RAB27A: variants seen among roughly 807,000 people sequenced by gnomAD.
RAB27A encodes the protein ras-related protein Rab-27A.
RAB27A carries 17 observed loss-of-function variants against 20.8 expected under a neutral mutation model. That is an observed-to-expected ratio of 0.82 (90% CI 0.56 to 1.23). The LOEUF (loss-of-function observed/expected upper bound fraction) is 1.23. Among genes scored for constraint, RAB27A ranks in the 50% most tolerant of loss-of-function variants. The pLI is 0.00. For synonymous variants in RAB27A, 85 were observed against 92.8 expected (o/e 0.92, Z 0.48); for missense variants, 277 against 266.7 (o/e 1.04, Z -0.27).
intron 2 of RAB27A, among the ~76,000 whole-genome samples, chr15:55,265,939 C>T (rs182001855): frequency 2.8e-4 from 43 of 152,274 alleles, no homozygotes; most frequent in Admixed American, 2.0e-3. Context: ...AAGGCCACCA[C>T]GGGCTCTTTA....
At chr15:55,266,721 A>G (rs1324749511) in intron 2 of RAB27A, among the ~76,000 whole-genome samples, 1 of 152,238 alleles carries the variant, frequency 6.6e-6, no homozygotes, top group Non-Finnish European at 1.5e-5. Flanking sequence ...ACCAATGCAC[A>G]GAAAGGTTAA....
chr15:55,214,411 G>C (rs1895183129), intron 6 of RAB27A, among the ~76,000 whole-genome samples: 1 of 152,164 alleles, frequency 6.6e-6, no homozygotes, highest in Non-Finnish European at 1.5e-5. Context: ...ACTCCAGCCT[G>C]GGCGACAGAG....
chr15:55,251,235 C>T (rs966233342), intron 2 of RAB27A, among the ~76,000 whole-genome samples: 4 of 152,158 alleles, frequency 2.6e-5, no homozygotes, highest in Non-Finnish European at 5.9e-5. Context: ...ATTTGAAATG[C>T]TTTGGGTGTC....
At chr15:55,274,369 T>C (rs1897789767) in intron 1 of RAB27A, among the ~76,000 whole-genome samples, 1 of 150,468 alleles carries the variant, frequency 6.6e-6, no homozygotes. Context: ...AGCCCAAAAT[T>C]AGAAGAAAGA....
upstream of RAB27A, among the ~76,000 whole-genome samples, chr15:55,292,123 G>A (rs2054924805): frequency 6.6e-6 from 1 of 152,152 alleles, no homozygotes; most frequent in African/African-American, 2.4e-5. Context: ...AAAGAAAATG[G>A]AGAAATAACA....
chr15:55,228,116 T>C (rs572856784), intron 5 of RAB27A, among the ~76,000 whole-genome samples: 118 of 152,250 alleles, frequency 7.8e-4, no homozygotes, highest in African/African-American at 2.7e-3. Flanking sequence ...TGAAAGATGC[T>C]CTAACCCTAA....
chr15:55,233,500 T>G (rs1232044384), intron 3 of RAB27A, among the ~76,000 whole-genome samples: 1 of 152,166 alleles, frequency 6.6e-6, no homozygotes, highest in Non-Finnish European at 1.5e-5. Context: ...GTAGCTATAA[T>G]AAGTAATGAA....
intron 2 of RAB27A, among the ~76,000 whole-genome samples, chr15:55,238,900 A>G (rs1896372347): frequency 6.6e-6 from 1 of 151,582 alleles, no homozygotes. Context: ...GCAAGTTCAT[A>G]GTTGTTCAAA....
At chr15:55,216,657 T>C (rs1044552337) in intron 6 of RAB27A, among the ~76,000 whole-genome samples, 1 of 152,124 alleles carries the variant, frequency 6.6e-6, no homozygotes, top group African/African-American at 2.4e-5. Flanking sequence ...TAAAAATAAA[T>C]TTGCAAACTA....
chr15:55,207,469 T>C (rs1238321234), intron 6 of RAB27A, among the ~76,000 whole-genome samples: 2 of 152,196 alleles, frequency 1.3e-5, no homozygotes, highest in Non-Finnish European at 2.9e-5. Context: ...CCCAGTGAGC[T>C]GTACAAATAT....
chr15:55,234,662 T>C, intron 3 of RAB27A, 120 bp downstream of exon 3: 2 of 1,115,602 alleles, frequency 1.8e-6, no homozygotes, highest in South Asian at 2.6e-5. Flanking sequence ...CTCACTTTCA[T>C]ATGTACCTTT....
At chr15:55,278,473 A>G (rs1897929688) in intron 1 of RAB27A, among the ~76,000 whole-genome samples, 1 of 113,662 alleles carries the variant, frequency 8.8e-6, no homozygotes, top group Admixed American at 8.2e-5. Flanking sequence ...CAGTCTTCTA[A>G]TCATTATTAT....
intron 6 of RAB27A, among the ~76,000 whole-genome samples, chr15:55,213,439 T>G (rs923210115): frequency 6.6e-6 from 1 of 152,222 alleles, no homozygotes. Context: ...TCACTTCTGA[T>G]GTTACTAAGA....
intron 2 of RAB27A, among the ~76,000 whole-genome samples, chr15:55,236,088 C>A (rs181633012): frequency 1.9e-3 from 284 of 151,580 alleles, no homozygotes; most frequent in African/African-American, 6.1e-3. Context: ...ATGGGTGCAC[C>A]AAAATCTCAG....
intron 2 of RAB27A, among the ~76,000 whole-genome samples, chr15:55,253,419 C>T (rs562190194): frequency 4.1e-4 from 62 of 152,024 alleles, no homozygotes; most frequent in African/African-American, 1.5e-3. Context: ...CGCACTCCAG[C>T]CTGGGTGACA....
intron 2 of RAB27A, among the ~76,000 whole-genome samples, chr15:55,245,651 C>T (rs1896657754): frequency 6.6e-6 from 1 of 152,178 alleles, no homozygotes; most frequent in Non-Finnish European, 1.5e-5. Flanking sequence ...AGTTCTATAG[C>T]ATTTGGCTTA....
At chr15:55,296,247 C>T (rs1189638793) in intron 2 of RAB27A, among the ~76,000 whole-genome samples, 1 of 150,842 alleles carries the variant, frequency 6.6e-6, no homozygotes, top group Admixed American at 6.6e-5. Context: ...TGGCTCACAC[C>T]TGTAAGCCCA....
At chr15:55,288,148 A>C (rs992682776) in intron 1 of RAB27A, among the ~76,000 whole-genome samples, 9 of 152,236 alleles carry the variant, frequency 5.9e-5, no homozygotes, top group African/African-American at 2.2e-4. Flanking sequence ...AACTTTTAGA[A>C]GAAAACATAA....
intron 1 of RAB27A, among the ~76,000 whole-genome samples, chr15:55,287,310 T>C (rs1476691024): frequency 4.6e-5 from 7 of 152,144 alleles, no homozygotes; most frequent in Non-Finnish European, 8.8e-5. Context: ...GAAGTTGCCA[T>C]TCACTAAGAT....
Sources: allele counts gnomAD v4.1 joint callset (sites outside exome capture counted in the v4.1 genomes callset), GRCh38; gene constraint gnomAD v4.1.1; transcripts MANE v1.5; gene names NCBI Gene and HGNC (gene_info 2026-07-23, HGNC 2026-07-21).